ARIH1: variants seen among roughly 807,000 people sequenced by gnomAD.
ARIH1 encodes the protein E3 ubiquitin-protein ligase ARIH1.
Under a neutral mutation model 85.0 loss-of-function variants are expected in ARIH1, and 8 were observed. The observed-to-expected ratio is 0.09, with a 90% CI of 0.06 to 0.17. The LOEUF (loss-of-function observed/expected upper bound fraction) is 0.17, where lower values mean the gene tolerates loss of function less well. Ranked by LOEUF, ARIH1 falls within the 10% of genes least tolerant of loss-of-function variation. The probability of loss-of-function intolerance (pLI) is 1.00; values close to 1 mark genes in which losing one functional copy is unlikely to be tolerated. For synonymous variants in ARIH1, 238 were observed against 253.6 expected (o/e 0.94, Z 0.59); for missense variants, 311 against 718.1 (o/e 0.43, Z 6.48).
chr15:72,504,818 C>T (rs2063918108), intron 1 of ARIH1, among the ~76,000 whole-genome samples: 1 of 152,076 alleles, frequency 6.6e-6, no homozygotes, highest in Non-Finnish European at 1.5e-5. Context: ...CTGCTTCCTG[C>T]CTCTATCATT....
chr15:72,504,984 T>C (rs1344243443), intron 1 of ARIH1, among the ~76,000 whole-genome samples: 2 of 152,226 alleles, frequency 1.3e-5, no homozygotes, highest in Non-Finnish European at 2.9e-5. Flanking sequence ...GATAATTTCT[T>C]AGAAGGCATT....
At chr15:72,559,256 A>C (rs1422668226) in intron 5 of ARIH1, among the ~76,000 whole-genome samples, 1 of 151,980 alleles carries the variant, frequency 6.6e-6, no homozygotes, top group African/African-American at 2.4e-5. Context: ...TTAAGAAGCA[A>C]TGGGGTTTTT....
At chr15:72,484,667 G>A (rs766272065) in intron 1 of ARIH1, among the ~76,000 whole-genome samples, 4 of 150,640 alleles carry the variant, frequency 2.7e-5, no homozygotes, top group East Asian at 1.9e-4. Flanking sequence ...ATATGTGTGT[G>A]TATACATATA....
At chr15:72,539,242 A>G (rs963054120) in intron 2 of ARIH1, among the ~76,000 whole-genome samples, 1 of 152,214 alleles carries the variant, frequency 6.6e-6, no homozygotes, top group Non-Finnish European at 1.5e-5. Flanking sequence ...GAACTTCCAG[A>G]TAGTGCCCAG....
intron 1 of ARIH1, among the ~76,000 whole-genome samples, chr15:72,496,584 G>T (rs1051302425): frequency 1.3e-5 from 2 of 152,202 alleles, no homozygotes; most frequent in Non-Finnish European, 2.9e-5. Context: ...TTTGCCTGTT[G>T]TGATAATCAA....
intron 1 of ARIH1, among the ~76,000 whole-genome samples, chr15:72,476,360 A>G (rs1430872977): frequency 1.3e-5 from 2 of 152,154 alleles, no homozygotes; most frequent in African/African-American, 4.8e-5. Context: ...TGAGGATTGT[A>G]GAAGATAATT....
At chr15:72,479,512 G>T (rs942272471) in intron 1 of ARIH1, among the ~76,000 whole-genome samples, 5 of 151,432 alleles carry the variant, frequency 3.3e-5, no homozygotes, top group African/African-American at 1.2e-4. Flanking sequence ...GGGTTCAAGC[G>T]ATTCTCCTGC....
Position 72,563,335 on chromosome 15 carries a change from A to G in ARIH1, c.805-59A>G. ...TGGCCTCCCTAAGTTCTGGGATTAT[A>G]GGTGTGAGCCACTGTGCCCAGCCAG... On this transcript the variant is annotated intron_variant, in intron 6 of 13. Transcript: ENST00000379887. 7.6e-6 allele frequency: 11 copies of G among 1,453,738 alleles called. No homozygotes were observed. The South Asian group carries it at 1.3e-4, about 17-fold the overall frequency. 90.1% of individuals were successfully genotyped at this position (1,453,738 alleles called of 1,614,324 possible).
intron 1 of ARIH1, among the ~76,000 whole-genome samples, chr15:72,490,739 T>C (rs1312763036): frequency 6.6e-6 from 1 of 151,994 alleles, no homozygotes; most frequent in Non-Finnish European, 1.5e-5. Flanking sequence ...ATAGGAGTGG[T>C]TATGTGGGCA....
intron 11 of ARIH1, among the ~76,000 whole-genome samples, chr15:72,572,914 C>A (rs1272208007): frequency 6.6e-6 from 1 of 152,164 alleles, no homozygotes; most frequent in Non-Finnish European, 1.5e-5. Flanking sequence ...AGGGAAATGA[C>A]CCACTGTTAT....
At chr15:72,539,844 G>A (rs72735170) in intron 2 of ARIH1, among the ~76,000 whole-genome samples, 7,378 of 152,224 alleles carry the variant, frequency 0.048, 241 homozygotes, top group African/African-American at 0.094. Context: ...GGAGGGAAGG[G>A]ATTTTGGCCA....
At chr15:72,558,426 T>C (rs1010317205) in intron 5 of ARIH1, among the ~76,000 whole-genome samples, 3 of 152,280 alleles carry the variant, frequency 2.0e-5, no homozygotes, top group East Asian at 1.9e-4. Flanking sequence ...CTCAGCCTCC[T>C]GAGTAGCTGA....
In ARIH1 at chr15:72,584,154, G is replaced by T. The variant is rs963759292; in HGVS notation, c.*862G>T. ...GGTTATTTTGCCCTTTCTGGTGTTG[G>T]TATGTCTGTTGCCGGCCATGGGCCT... On this transcript the variant is annotated 3_prime_UTR_variant, in exon 14 of 14. Transcript: ENST00000379887. The T allele has an allele frequency of 1.1e-4, 17 of 152,292 alleles. No individual in the cohort carries two copies. Among genetic ancestry groups the T allele is most frequent in the African/African-American group, 4.1e-4 (17 of 41,534 alleles). The allele number at this position is 152,292 out of a possible 1,614,324, so 9.4% of individuals were successfully genotyped here.
chr15:72,516,848 C>G (rs1236912492), intron 1 of ARIH1, among the ~76,000 whole-genome samples: 1 of 152,064 alleles, frequency 6.6e-6, no homozygotes, highest in Non-Finnish European at 1.5e-5. Context: ...GGTTTTAGTC[C>G]ACAGAGATCT....
Position 72,591,331 on chromosome 15 carries a change from A to G in ARIH1, c.*8039A>G, listed in dbSNP as rs1304797132. ...TTTTAGGCTGAAAACGTTTCTATAGATTTTGGATTTCCTTCTGATAGCTAA... is the reference window on the plus strand; with the variant it reads ...TTTTAGGCTGAAAACGTTTCTATAGGTTTTGGATTTCCTTCTGATAGCTAA... On this transcript the variant is annotated 3_prime_UTR_variant, in exon 14 of 14. Coordinates refer to ENST00000379887, the MANE Select transcript of ARIH1 (RefSeq NM_005744.5). 6.6e-6 allele frequency: 1 copy of G among 151,886 alleles called. No individual in the cohort carries two copies. The highest frequency in any genetic ancestry group is 1.5e-5 in the Non-Finnish European group (1 of 67,982). The allele number at this position is 151,886 out of a possible 1,614,324, so 9.4% of individuals were successfully genotyped here. A position where few individuals can be genotyped will look rare whatever the true frequency, so the allele number is the denominator to read the frequency against.
chr15:72,497,164 T>C (rs2063883403), intron 1 of ARIH1, among the ~76,000 whole-genome samples: 2 of 152,218 alleles, frequency 1.3e-5, no homozygotes, highest in Admixed American at 6.5e-5. Context: ...TGGTATTAAT[T>C]GATTCATGGA....
intron 11 of ARIH1, among the ~76,000 whole-genome samples, chr15:72,580,244 A>G (rs995178957): frequency 6.6e-6 from 1 of 152,148 alleles, no homozygotes; most frequent in African/African-American, 2.4e-5. Flanking sequence ...AGGTTCATCC[A>G]TGTTGTCACA....
intron 11 of ARIH1, among the ~76,000 whole-genome samples, chr15:72,579,244 G>A (rs193184514): frequency 3.9e-5 from 6 of 152,146 alleles, no homozygotes; most frequent in Admixed American, 1.3e-4. Context: ...GTGTTGTCCT[G>A]TAGAGTTTCC....
chr15:72,535,764 G>A (rs1226434491), intron 2 of ARIH1, among the ~76,000 whole-genome samples: 1 of 152,222 alleles, frequency 6.6e-6, no homozygotes, highest in Non-Finnish European at 1.5e-5. Context: ...CCATTAAGCA[G>A]AGGGTGTAGA....
Sources: allele counts gnomAD v4.1 joint callset (sites outside exome capture counted in the v4.1 genomes callset), GRCh38; gene constraint gnomAD v4.1.1; transcripts MANE v1.5; gene names NCBI Gene and HGNC (gene_info 2026-07-23, HGNC 2026-07-21).